The following MVB12B variants were observed in gnomAD, a reference collection of about 807,000 sequenced individuals.
MVB12B encodes the protein multivesicular body subunit 12B, also known as ESCRT-I complex subunit MVB12B.
In MVB12B, 16 loss-of-function variants were observed where a neutral mutation model predicts 41.6. The ratio of observed to expected loss-of-function variants is 0.38; its 90% confidence interval spans 0.26 to 0.58. The LOEUF (loss-of-function observed/expected upper bound fraction) is 0.58. Ranked by LOEUF, MVB12B falls within the 20% of genes least tolerant of loss-of-function variation. The pLI is 0.62. For missense variants in MVB12B, 274 were observed against 380.2 expected, an observed-to-expected ratio of 0.72 and a Z score of 2.32; for synonymous variants, 133 against 139.7, an observed-to-expected ratio of 0.95 and a Z score of 0.34.
chr9:126,488,366 TA>T (rs1833665858), intron 9 of MVB12B, among the ~76,000 whole-genome samples: 1 of 87,608 alleles, frequency 1.1e-5, no homozygotes, highest in Middle Eastern at 6.3e-3. Context: ...AAAAAAAAAA[TA>T]GAGTAAATAC....
intron 7 of MVB12B, among the ~76,000 whole-genome samples, chr9:126,442,332 T>C (rs1424587667): frequency 2.0e-5 from 3 of 152,198 alleles, no homozygotes; most frequent in Admixed American, 6.5e-5. Context: ...GGCTGACATA[T>C]GCTTCCCAAA....
intron 1 of MVB12B, among the ~76,000 whole-genome samples, chr9:126,338,870 A>G (rs1164676839): frequency 6.6e-6 from 1 of 152,176 alleles, no homozygotes; most frequent in African/African-American, 2.4e-5. Flanking sequence ...TATTCACTCA[A>G]ATATTTACTT....
At chr9:126,490,114 T>C (rs1833701308) in intron 9 of MVB12B, among the ~76,000 whole-genome samples, 1 of 152,192 alleles carries the variant, frequency 6.6e-6, no homozygotes, top group Non-Finnish European at 1.5e-5. Flanking sequence ...GGTGTATAAA[T>C]ATTCTCTGTC....
intron 9 of MVB12B, among the ~76,000 whole-genome samples, chr9:126,491,813 A>G (rs1378139172): frequency 6.6e-6 from 1 of 152,162 alleles, no homozygotes; most frequent in Non-Finnish European, 1.5e-5. Flanking sequence ...ATCATGAGAG[A>G]AGTCTGAGGC....
intron 2 of MVB12B, among the ~76,000 whole-genome samples, chr9:126,354,581 A>G (rs1829832683): frequency 6.6e-6 from 1 of 152,260 alleles, no homozygotes; most frequent in Non-Finnish European, 1.5e-5. Flanking sequence ...TAACATTACC[A>G]GTAATGAGAC....
Position 126,421,892 on chromosome 9 carries a change from G to A in MVB12B, c.701G>A (p.Arg234Lys). 4 of 1,614,078 alleles carry A rather than the reference G, an allele frequency of 2.5e-6. No homozygotes were observed. The highest frequency in any genetic ancestry group is 3.4e-6 in the Non-Finnish European group (4 of 1,179,992). Reference protein sequence around the residue: ...SLTLPATFRGRNSTRTDYEYQ... With the variant: ...SLTLPATFRGKNSTRTDYEYQ... ...ACACTTCCTGCCACCTTCCGAGGCA[G>A]GAACAGCACCCGGACGGACTACGAG... The change falls in exon 7 of 10, where the codon AGG becomes AAG. Residue 234 changes from arginine to lysine, a missense_variant. Arg to Lys is a conservative substitution (Grantham distance 26). Transcript: ENST00000361171.
At chr9:126,476,867 A>G (rs1209139997) in intron 7 of MVB12B, among the ~76,000 whole-genome samples, 1 of 126,580 alleles carries the variant, frequency 7.9e-6, no homozygotes, top group African/African-American at 3.1e-5. Context: ...ACAGAGCGAG[A>G]CTCCATCTCA....
In MVB12B at chr9:126,381,082, G is replaced by A. The variant is rs1564299604; in HGVS notation, c.223G>A (p.Gly75Ser). Residue 75 changes from glycine to serine, a missense_variant, in exon 3 of 10, where the codon GGT (glycine) becomes AGT (serine). Coordinates refer to ENST00000361171, the MANE Select transcript of MVB12B (RefSeq NM_033446.3). ...GGTGTAGGTTGCACAGACAGCAGAT[G>A]GTGTGGATGCTGACCTCTGGAAAGA... ...GYDVVAQTAD[G>S]VDADLWKDGL... The A allele has an allele frequency of 1.2e-6, 2 of 1,614,112 alleles. No homozygotes were observed. The highest frequency in any genetic ancestry group is 1.7e-6 in the Non-Finnish European group (2 of 1,179,996).
chr9:126,468,171 G>A lies in MVB12B; in HGVS notation c.758-13198G>A, dbSNP rs1833236024. On this transcript the variant is annotated intron_variant, in intron 7 of 9. Coordinates refer to ENST00000361171, the MANE Select transcript of MVB12B (RefSeq NM_033446.3). The surrounding 1 kb of genome is among the most constrained non-coding windows in gnomAD (Gnocchi z 4.3). ...CATTCCTCAGCTCTGTCCCAGGTCTGCCTCTCTCACCATGTTCCAGAATAT... is the reference window on the plus strand; with the variant it reads ...CATTCCTCAGCTCTGTCCCAGGTCTACCTCTCTCACCATGTTCCAGAATAT... 6.6e-6 allele frequency among the ~76,000 whole-genome samples: 1 copy of A among 152,078 alleles called. No homozygotes were observed. Among genetic ancestry groups the A allele is most frequent in the Non-Finnish European group, 1.5e-5 (1 of 68,004 alleles).
At chr9:126,472,469 C>A (rs80296884) in intron 7 of MVB12B, among the ~76,000 whole-genome samples, 391 of 134,914 alleles carry the variant, frequency 2.9e-3, no homozygotes, top group Middle Eastern at 3.8e-3. Flanking sequence ...GGTCAGCTGG[C>A]AAAAAAAAAA....
At chr9:126,341,691 C>T (rs1366657196) in intron 2 of MVB12B, among the ~76,000 whole-genome samples, 1 of 152,212 alleles carries the variant, frequency 6.6e-6, no homozygotes, top group Non-Finnish European at 1.5e-5. Context: ...TTTTCCTGTG[C>T]ATCGTATGAT....
At chr9:126,352,947 G>C (rs1829792674) in intron 2 of MVB12B, among the ~76,000 whole-genome samples, 1 of 152,200 alleles carries the variant, frequency 6.6e-6, no homozygotes, top group South Asian at 2.1e-4. Flanking sequence ...AAGTATGGAA[G>C]ACTCAAAATG....
chr9:126,497,829 G>A (rs1833869972), intron 9 of MVB12B, among the ~76,000 whole-genome samples: 1 of 152,226 alleles, frequency 6.6e-6, no homozygotes, highest in African/African-American at 2.4e-5. Flanking sequence ...TGCAGCTGCT[G>A]GAAGAAGACG....
Position 126,459,858 on chromosome 9 carries a change from A to G in MVB12B, c.758-21511A>G, listed in dbSNP as rs935915815. 6.6e-6 allele frequency among the ~76,000 whole-genome samples: 1 copy of G among 152,122 alleles called. No individual in the cohort carries two copies. Among genetic ancestry groups the G allele is most frequent in the Non-Finnish European group, 1.5e-5 (1 of 68,022 alleles). On this transcript the variant is annotated intron_variant, in intron 7 of 9. Transcript: ENST00000361171. The surrounding 1 kb of genome is among the most constrained non-coding windows in gnomAD (Gnocchi z 4.3). ...AGCTTCAGCCCACCCATCTCGAGGG[A>G]GAGAAAGGGCTCCGGGGCTCAGTAA... is the stretch of plus-strand genomic sequence containing the variant.
chr9:126,464,898 G>T (rs1833166992), intron 7 of MVB12B, among the ~76,000 whole-genome samples: 1 of 152,196 alleles, frequency 6.6e-6, no homozygotes, highest in Non-Finnish European at 1.5e-5. Flanking sequence ...CAGGGCCATT[G>T]TGAGGTTTAT....
At chr9:126,407,820 A>G (rs1020664952) in intron 6 of MVB12B, among the ~76,000 whole-genome samples, 5 of 152,192 alleles carry the variant, frequency 3.3e-5, no homozygotes, top group Non-Finnish European at 7.4e-5. Context: ...TACTTAAAAA[A>G]AAGAAAGAAA....
At chr9:126,393,039 G>T (rs1485249856) in intron 5 of MVB12B, among the ~76,000 whole-genome samples, 1 of 152,190 alleles carries the variant, frequency 6.6e-6, no homozygotes, top group Non-Finnish European at 1.5e-5. Flanking sequence ...AACTGCTGAG[G>T]CCTGGGCCCG....
At position 126,485,557 on chromosome 9, in the gene MVB12B, A is replaced by G. The variant is rs1588206986; in HGVS notation, c.873+1525A>G. Among the ~76,000 whole-genome samples, 3 of 78,292 alleles carry G rather than the reference A, an allele frequency of 3.8e-5. No individual in the cohort carries two copies. The South Asian group carries it at 1.6e-3, about 41-fold the overall frequency. 51.4% of individuals were successfully genotyped at this position (78,292 alleles called of 152,430 possible). Reference sequence around the variant, plus strand: ...GTCAGGGTACCATCCACTGTGCTTCATGAGGTCAGGGTACCTTCCACTGTG... The same window carrying G: ...GTCAGGGTACCATCCACTGTGCTTCGTGAGGTCAGGGTACCTTCCACTGTG... On this transcript the variant is annotated intron_variant, in intron 9 of 9. Transcript: ENST00000361171.
At chr9:126,494,159 A>G (rs932346410) in intron 9 of MVB12B, among the ~76,000 whole-genome samples, 2 of 152,180 alleles carry the variant, frequency 1.3e-5, no homozygotes, top group African/African-American at 2.4e-5. Flanking sequence ...TGTTTTTATC[A>G]GAAATGGATG....
Sources: gnomAD v4.1 joint callset for allele counts (sites outside exome capture counted in the v4.1 genomes callset) on GRCh38, gnomAD v4.1.1 for gene constraint, Gnocchi (gnomAD v3.1) non-coding constraint, MANE v1.5 for transcripts, NCBI Gene and HGNC (gene_info 2026-07-23, HGNC 2026-07-21) for gene names.